Variants in VPS26C observed in about 807,000 individuals in gnomAD.
VPS26C encodes the protein VPS26 endosomal protein sorting factor C, also known as vacuolar protein sorting-associated protein 26C.
VPS26C carries 19 observed loss-of-function variants against 30.6 expected under a neutral mutation model. That is an observed-to-expected ratio of 0.62 (90% CI 0.43 to 0.91). VPS26C has a LOEUF of 0.91. Ranked by LOEUF, VPS26C falls within the 40% of genes least tolerant of loss-of-function variation. The probability of loss-of-function intolerance (pLI) is 0.00; values close to 1 mark genes in which losing one functional copy is unlikely to be tolerated. For missense variants in VPS26C, 318 were observed against 385.1 expected (o/e 0.83, Z 1.46); for synonymous variants, 132 against 151.5 (o/e 0.87, Z 0.95).
At chr21:37,239,160 A>C (rs1325893768) in intron 2 of VPS26C, among the ~76,000 whole-genome samples, 1 of 152,218 alleles carries the variant, frequency 6.6e-6, no homozygotes. Context: ...GAGGGTACTA[A>C]CATTTGGAAC....
Position 37,232,433 on chromosome 21 carries a change from T to C in VPS26C, c.451A>G (p.Thr151Ala). 4 of 1,614,106 alleles carry C rather than the reference T, an allele frequency of 2.5e-6. No individual in the cohort carries two copies. Among genetic ancestry groups the C allele is most frequent in the Non-Finnish European group, 3.4e-6 (4 of 1,179,986 alleles). ...ATCGTGAAGTCCACGGGACTGGGAG[T>C]AAACTTCCCCTTCTGAGGCTAAAAC... is the stretch of plus-strand genomic sequence containing the variant. ...VHSAPQKGKF[T>A]PSPVDFTITP... The change falls in exon 5 of 8, where the codon ACT becomes GCT. Residue 151 changes from threonine (T) to alanine (A), a missense_variant. By Grantham distance (58) the Thr-to-Ala change is moderately conservative. Transcript: ENST00000309117.
chr21:37,235,877 ATAT>A (rs1162977009), intron 3 of VPS26C, among the ~76,000 whole-genome samples: 4 of 35,938 alleles, frequency 1.1e-4, no homozygotes, highest in African/African-American at 4.3e-4. Flanking sequence ...ATATATATAT[ATAT>A]TTTTTTTTTT....
Position 37,226,703 on chromosome 21 carries a change from C to A in VPS26C, c.811+951G>T, listed in dbSNP as rs2085903127. 1 of 152,194 alleles carries A rather than the reference C, an allele frequency of 6.6e-6. No individual in the cohort carries two copies. Among genetic ancestry groups the A allele is most frequent in the African/African-American group, 2.4e-5 (1 of 41,440 alleles). The allele number at this position is 152,194 out of a possible 1,614,324, so 9.4% of individuals were successfully genotyped here. Reference sequence around the variant, plus strand: ...GCGCTGCTTAGAGTCCGAGTGAGTTCCAGTCTCGGGCCTGACCGTGCATTT... The same window carrying A: ...GCGCTGCTTAGAGTCCGAGTGAGTTACAGTCTCGGGCCTGACCGTGCATTT... On this transcript the variant is annotated intron_variant, in intron 7 of 7. Transcript: ENST00000309117. This position sits in a 1 kb window ranked among gnomAD's most constrained non-coding sequence, Gnocchi z 4.1.
chr21:37,227,591 G>C, intron 7 of VPS26C, 63 bp downstream of exon 7: 1 of 1,579,336 alleles, frequency 6.3e-7, no homozygotes, highest in Admixed American at 1.7e-5. Context: ...ACCCACAGCA[G>C]GCCCTGGCGC....
chr21:37,229,833 C>A (rs2085943285), intron 5 of VPS26C, among the ~76,000 whole-genome samples: 1 of 152,108 alleles, frequency 6.6e-6, no homozygotes, highest in South Asian at 2.1e-4. Flanking sequence ...AAGGTACAGA[C>A]CTCTGAAGAA....
intron 3 of VPS26C, among the ~76,000 whole-genome samples, chr21:37,236,030 G>A (rs1034651372): frequency 9.9e-5 from 15 of 151,852 alleles, no homozygotes; most frequent in Non-Finnish European, 5.9e-5. Context: ...CACCCAGCAC[G>A]TCTATCTTTT....
chr21:37,267,479 T>C, upstream of VPS26C: 2 of 603,406 alleles, frequency 3.3e-6, no homozygotes, highest in Non-Finnish European at 5.9e-6. Flanking sequence ...CCTTCCTCCT[T>C]CCGGCACAAG....
At chr21:37,229,487 A>G (rs2085939523) in intron 5 of VPS26C, 1 of 152,206 alleles carries the variant, frequency 6.6e-6, no homozygotes, top group African/African-American at 2.4e-5. Flanking sequence ...TTGGCATACT[A>G]CTGTCCAACA....
At chr21:37,266,978 A>G (rs2086370175) in intron 1 of VPS26C, 2 of 541,174 alleles carry the variant, frequency 3.7e-6, no homozygotes, top group Non-Finnish European at 6.6e-6. Flanking sequence ...GCAGCCCCGG[A>G]GCTGGGCGCC....
At chr21:37,263,511 T>C (rs911533069) in intron 1 of VPS26C, among the ~76,000 whole-genome samples, 3 of 152,224 alleles carry the variant, frequency 2.0e-5, no homozygotes, top group African/African-American at 7.2e-5. Flanking sequence ...TCAACTTGTC[T>C]AGTTGGGTTA....
intron 5 of VPS26C, among the ~76,000 whole-genome samples, chr21:37,229,840 A>G (rs1243142401): frequency 6.6e-6 from 1 of 152,190 alleles, no homozygotes; most frequent in African/African-American, 2.4e-5. Context: ...AGACCTCTGA[A>G]GAAGTCTGCA....
intron 3 of VPS26C, 21 bp downstream of exon 3, chr21:37,238,439 G>A (rs368525475): frequency 8.9e-5 from 143 of 1,608,212 alleles, no homozygotes; most frequent in African/African-American, 6.4e-4. Context: ...AGTCAGTCGC[G>A]TAGGACTAGG....
chr21:37,251,543 A>G (rs957970467), intron 1 of VPS26C, among the ~76,000 whole-genome samples: 25 of 152,318 alleles, frequency 1.6e-4, no homozygotes, highest in African/African-American at 6.0e-4. Context: ...ACATTTGTAC[A>G]TATTTACTTG....
intron 7 of VPS26C, chr21:37,225,971 T>A (rs2085895354): frequency 3.5e-6 from 1 of 282,608 alleles, no homozygotes; most frequent in Non-Finnish European, 6.9e-6. Flanking sequence ...TCCTTTGCCT[T>A]ATTTTTACAT....
intron 1 of VPS26C, among the ~76,000 whole-genome samples, chr21:37,254,280 G>A (rs2086220827): frequency 6.6e-6 from 1 of 152,186 alleles, no homozygotes; most frequent in African/African-American, 2.4e-5. Flanking sequence ...CAGAGTAGAG[G>A]ACAAGAGATG....
intron 1 of VPS26C, 112 bp from the exon 2 acceptor site, chr21:37,240,751 T>C: frequency 2.2e-6 from 3 of 1,380,982 alleles, no homozygotes; most frequent in Non-Finnish European, 2.9e-6. Context: ...GATCCAGACA[T>C]TCACTGAGAC....
chr21:37,262,672 C>A (rs1466051209), intron 1 of VPS26C, among the ~76,000 whole-genome samples: 1 of 152,160 alleles, frequency 6.6e-6, no homozygotes, highest in African/African-American at 2.4e-5. Flanking sequence ...TGGAACACTA[C>A]ACAAATCATC....
At chr21:37,232,310 T>C (rs2148285510) in intron 5 of VPS26C, 67 bp downstream of exon 5, 3 of 1,360,086 alleles carry the variant, frequency 2.2e-6, no homozygotes, top group Middle Eastern at 1.9e-4. Context: ...ACCCGGGCAA[T>C]AGCTAGTCCG....
At chr21:37,265,952 C>G (rs1300498910) in intron 1 of VPS26C, among the ~76,000 whole-genome samples, 3 of 119,004 alleles carry the variant, frequency 2.5e-5, no homozygotes, top group Admixed American at 1.1e-4. Context: ...GGGTCTCACT[C>G]TGTTGCCCAG....
Sources: allele counts gnomAD v4.1 joint callset (sites outside exome capture counted in the v4.1 genomes callset), GRCh38; gene constraint gnomAD v4.1.1; non-coding constraint Gnocchi (gnomAD v3.1); transcripts MANE v1.5; gene names NCBI Gene and HGNC (gene_info 2026-07-23, HGNC 2026-07-21).